Variants in DIAPH3 observed in about 807,000 individuals in gnomAD.
DIAPH3 encodes the protein diaphanous related formin 3.
A neutral mutation model predicts 144.3 loss-of-function variants in DIAPH3; 117 were observed. The observed-to-expected ratio is 0.81, with a 90% confidence interval of 0.70 to 0.95. The LOEUF is 0.95. DIAPH3 is among the 40% of genes least tolerant of loss of function. DIAPH3 has a pLI of 0.00. For synonymous variants in DIAPH3, 519 were observed against 488.9 expected (o/e 1.06, Z -0.81); for missense variants, 1,421 against 1,412.7 (o/e 1.01, Z -0.09).
At chr13:60,040,489 T>C (rs1197647187) in intron 5 of DIAPH3, among the ~76,000 whole-genome samples, 1 of 152,144 alleles carries the variant, frequency 6.6e-6, no homozygotes, top group African/African-American at 2.4e-5. Context: ...TGTTTTTAGG[T>C]AAAATCACAA....
intron 27 of DIAPH3, among the ~76,000 whole-genome samples, chr13:59,722,482 T>C (rs866463952): frequency 6.6e-6 from 1 of 152,150 alleles, no homozygotes; most frequent in Non-Finnish European, 1.5e-5. Flanking sequence ...AATCTTCAAA[T>C]TGCTCACGGT....
chr13:60,010,014 G>A (rs2053137983), intron 8 of DIAPH3, among the ~76,000 whole-genome samples: 3 of 152,006 alleles, frequency 2.0e-5, no homozygotes, highest in African/African-American at 7.3e-5. Context: ...AACAAATGTG[G>A]TTAAGTTCTT....
chr13:59,974,519 T>C, intron 14 of DIAPH3, 63 bp from the exon 15 acceptor site: 2 of 1,341,330 alleles, frequency 1.5e-6, no homozygotes, highest in South Asian at 1.2e-5. Context: ...CTATTCTTCT[T>C]ATAGAAATGT....
At chr13:59,868,816 A>G (rs996493145) in intron 21 of DIAPH3, among the ~76,000 whole-genome samples, 6 of 152,188 alleles carry the variant, frequency 3.9e-5, no homozygotes, top group Admixed American at 3.3e-4. Flanking sequence ...TTGGAATCAT[A>G]CAGTAGATAG....
intron 25 of DIAPH3, among the ~76,000 whole-genome samples, chr13:59,779,347 A>G (rs556815001): frequency 1.3e-5 from 2 of 152,336 alleles, no homozygotes; most frequent in South Asian, 4.1e-4. Flanking sequence ...ATCAAATGAG[A>G]TAATACAAAT....
At chr13:59,747,492 G>C (rs2036764609) in intron 27 of DIAPH3, among the ~76,000 whole-genome samples, 1 of 152,190 alleles carries the variant, frequency 6.6e-6, no homozygotes, top group South Asian at 2.1e-4. Flanking sequence ...GACAAGGCAT[G>C]AGTGGTTTAA....
chr13:59,992,581 T>C lies in DIAPH3; in HGVS notation c.1017A>G (p.Val339=), dbSNP rs754302984. Residue 339 remains valine (V), a splice_region_variant and synonymous_variant, in exon 10 of 28, where the codon GTA becomes GTG. Transcript: ENST00000400324. ...GLRHNSVQLQ[V]ACMQLINALV... is the part of the protein sequence containing the mutation. The stretch of plus-strand genomic sequence containing the variant: ...GGGCATTGATGAGCTGCATACAAGC[T>C]ACCTACAAGAGATCAAACAGTGAGA... 2.5e-6 allele frequency: 4 copies of C among 1,610,630 alleles called. No homozygotes were observed. Among genetic ancestry groups the C allele is most frequent in the Non-Finnish European group, 1.7e-6 (2 of 1,177,924 alleles).
intron 24 of DIAPH3, among the ~76,000 whole-genome samples, chr13:59,825,798 AT>A (rs1415067418): frequency 2.6e-5 from 4 of 152,022 alleles, no homozygotes; most frequent in African/African-American, 9.7e-5. Flanking sequence ...GATGATGAGC[AT>A]TTTTTCATGT....
intron 5 of DIAPH3, among the ~76,000 whole-genome samples, chr13:60,021,884 A>C (rs2054049671): frequency 6.6e-6 from 1 of 152,092 alleles, no homozygotes; most frequent in African/African-American, 2.4e-5. Context: ...AATTGAGTTG[A>C]GTCTCTTATT....
chr13:60,023,757 A>G (rs2141041211), intron 5 of DIAPH3, among the ~76,000 whole-genome samples: 1 of 140,836 alleles, frequency 7.1e-6, no homozygotes, highest in East Asian at 2.3e-4. Flanking sequence ...TTTGACTATG[A>G]TATGTCTGTG....
At chr13:59,723,168 C>T (rs2035427795) in intron 27 of DIAPH3, among the ~76,000 whole-genome samples, 1 of 152,134 alleles carries the variant, frequency 6.6e-6, no homozygotes, top group African/African-American at 2.4e-5. Context: ...ATTCCAGGAC[C>T]AGGAGAGCTC....
At position 60,150,113 on chromosome 13, in the gene DIAPH3, C is replaced by T. The variant is rs145701187; in HGVS notation, c.180+13474G>A. Among the ~76,000 whole-genome samples, 581 of 152,232 alleles carry T rather than the reference C, an allele frequency of 3.8e-3. 5 individuals carry two copies. The highest frequency in any genetic ancestry group is 0.013 in the African/African-American group (546 of 41,542). ...CATGGCTCACTGCAACCACAGCTTTCGAGGTTCAAGCAATCCTCCCACCTC... is the reference window on the plus strand; with the variant it reads ...CATGGCTCACTGCAACCACAGCTTTTGAGGTTCAAGCAATCCTCCCACCTC... On this transcript the variant is annotated intron_variant, in intron 1 of 27. Coordinates refer to ENST00000400324, the MANE Select transcript of DIAPH3 (RefSeq NM_001042517.2).
At chr13:59,897,326 T>C (rs1448434866) in intron 20 of DIAPH3, among the ~76,000 whole-genome samples, 1 of 152,230 alleles carries the variant, frequency 6.6e-6, no homozygotes, top group Non-Finnish European at 1.5e-5. Flanking sequence ...ATTATGAGGT[T>C]GTCTATATCA....
intron 27 of DIAPH3, among the ~76,000 whole-genome samples, chr13:59,670,321 T>C (rs2032286415): frequency 6.6e-6 from 1 of 152,174 alleles, no homozygotes; most frequent in Non-Finnish European, 1.5e-5. Context: ...TTTTAAAAGA[T>C]GTTTATAGCT....
intron 20 of DIAPH3, among the ~76,000 whole-genome samples, chr13:59,893,623 G>A (rs868313980): frequency 6.6e-6 from 1 of 151,980 alleles, no homozygotes; most frequent in Non-Finnish European, 1.5e-5. Context: ...AAAGTTCTTG[G>A]TGGTCTTCTA....
intron 17 of DIAPH3, among the ~76,000 whole-genome samples, chr13:59,965,099 T>G (rs2049975436): frequency 1.3e-5 from 2 of 152,202 alleles, no homozygotes; most frequent in Non-Finnish European, 2.9e-5. Flanking sequence ...CACCGCCAAG[T>G]TGCTGGGATA....
intron 27 of DIAPH3, among the ~76,000 whole-genome samples, chr13:59,716,351 AT>A (rs1402223092): frequency 6.6e-6 from 1 of 151,912 alleles, no homozygotes; most frequent in Non-Finnish European, 1.5e-5. Context: ...AATTTTTTGT[AT>A]TTTTAGTAGA....
intron 25 of DIAPH3, among the ~76,000 whole-genome samples, chr13:59,791,993 G>C (rs1387651379): frequency 6.6e-6 from 1 of 152,122 alleles, no homozygotes; most frequent in African/African-American, 2.4e-5. Flanking sequence ...ATCATTCTTA[G>C]ACAACAGTGT....
intron 5 of DIAPH3, among the ~76,000 whole-genome samples, chr13:60,025,523 G>A (rs533869246): frequency 2.0e-5 from 3 of 150,894 alleles, no homozygotes; most frequent in East Asian, 3.9e-4. Flanking sequence ...TGAGAAAAAG[G>A]CAGTGACAGT....
Sources: allele counts gnomAD v4.1 joint callset (sites outside exome capture counted in the v4.1 genomes callset), GRCh38; gene constraint gnomAD v4.1.1; transcripts MANE v1.5; gene names NCBI Gene and HGNC (gene_info 2026-07-23, HGNC 2026-07-21).